Variants in PPFIA1 observed in about 807,000 individuals in gnomAD.
PPFIA1 encodes liprin-alpha-1.
PPFIA1 carries 25 observed loss-of-function variants against 149.9 expected under a neutral mutation model. The ratio of observed to expected loss-of-function variants is 0.17; its 90% CI spans 0.12 to 0.23. The LOEUF (loss-of-function observed/expected upper bound fraction) is 0.23. Among genes scored for constraint, PPFIA1 ranks in the 10% least tolerant of loss-of-function variants. The pLI is 1.00. For missense variants in PPFIA1, 1,362 were observed against 1,506.5 expected (o/e 0.90, Z 1.59); for synonymous variants, 549 against 552.8 (o/e 0.99, Z 0.10).
chr11:70,340,498 C>T (rs1296604721), intron 14 of PPFIA1, among the ~76,000 whole-genome samples: 1 of 152,186 alleles, frequency 6.6e-6, no homozygotes, highest in Non-Finnish European at 1.5e-5. Context: ...GAAAAGAATT[C>T]ACCTTTGAAC....
rs553992578 is a variant in PPFIA1 at position 70,328,948 on chromosome 11, C to T, written c.931-1225C>T. On this transcript the variant is annotated intron_variant, in intron 7 of 27. Coordinates refer to ENST00000253925, the MANE Select transcript of PPFIA1 (RefSeq NM_003626.5). Reference sequence around the variant, plus strand: ...GGGTGGAGGACAGGTATTTCTCAAGCAAAAAGTTCTGGTCCTAGCCTTAAG... The same window carrying T: ...GGGTGGAGGACAGGTATTTCTCAAGTAAAAAGTTCTGGTCCTAGCCTTAAG... Among the ~76,000 whole-genome samples, 12 of 152,190 alleles carry T rather than the reference C, an allele frequency of 7.9e-5. No individual in the cohort carries two copies. The South Asian group carries it at 2.5e-3, about 32-fold the overall frequency.
chr11:70,312,505 T>TA (rs1259339544), intron 2 of PPFIA1, among the ~76,000 whole-genome samples: 2 of 152,290 alleles, frequency 1.3e-5, no homozygotes, highest in East Asian at 3.9e-4. Context: ...AATTAGCATT[T>TA]AAAAAATATA....
At chr11:70,340,380 A>G (rs2055253304) in intron 14 of PPFIA1, among the ~76,000 whole-genome samples, 1 of 152,208 alleles carries the variant, frequency 6.6e-6, no homozygotes, top group Admixed American at 6.5e-5. Flanking sequence ...GGTCAACGCT[A>G]TGGTGAGCTC....
chr11:70,362,392 T>A lies in PPFIA1; in HGVS notation c.2769T>A (p.Ile923=). The A allele has an allele frequency of 6.2e-7, 1 of 1,614,148 alleles. No individual in the cohort carries two copies. The highest frequency in any genetic ancestry group is 8.5e-7 in the Non-Finnish European group (1 of 1,180,028). ...ALSDTEIQRE[I]GISNPLHRLK... Reference sequence around the variant, plus strand: ...CCGACACAGAGATCCAGCGTGAGATTGGCATCAGCAACCCCCTGCACAGGC... The same window carrying A: ...CCGACACAGAGATCCAGCGTGAGATAGGCATCAGCAACCCCCTGCACAGGC... Residue 923 remains isoleucine (I), a synonymous_variant, in exon 21 of 28, where the codon ATT becomes ATA. Coordinates refer to ENST00000253925, the MANE Select transcript of PPFIA1 (RefSeq NM_003626.5).
At chr11:70,350,036 T>C (rs1433908938) in intron 16 of PPFIA1, 1 of 446,276 alleles carries the variant, frequency 2.2e-6, no homozygotes, top group Admixed American at 2.5e-5. Flanking sequence ...CACAGCATGC[T>C]CAGGTAACCA....
At position 70,306,123 on chromosome 11, in the gene PPFIA1, C is replaced by T. The variant is rs184593589; in HGVS notation, c.265-18279C>T. Among the ~76,000 whole-genome samples, 641 of 152,238 alleles carry T rather than the reference C, an allele frequency of 4.2e-3. 2 individuals carry two copies. The highest frequency in any genetic ancestry group is 7.0e-3 in the Non-Finnish European group (477 of 68,014). ...TTTGGGGCAAACTGGTGCAAAGTGA[C>T]CTTTTTCTTTTGGAGTAAAACATGC... On this transcript the variant is annotated intron_variant, in intron 2 of 27. Transcript: ENST00000253925.
At chr11:70,275,607 CTCTT>C (rs1274500662) in intron 2 of PPFIA1, among the ~76,000 whole-genome samples, 6 of 152,106 alleles carry the variant, frequency 3.9e-5, no homozygotes, top group Admixed American at 2.0e-4. Flanking sequence ...CCAAGAGTCT[CTCTT>C]TCTTTTTTTA....
At chr11:70,283,671 G>C (rs138771951) in intron 2 of PPFIA1, among the ~76,000 whole-genome samples, 1 of 151,748 alleles carries the variant, frequency 6.6e-6, no homozygotes, top group Non-Finnish European at 1.5e-5. Context: ...GCTAGAATCC[G>C]AGGGCAGAGG....
chr11:70,337,279 CTT>C (rs879535446), intron 11 of PPFIA1, 84 bp from the exon 12 acceptor site: 262 of 764,768 alleles, frequency 3.4e-4, no homozygotes, highest in Middle Eastern at 8.4e-4. Context: ...TTGTGTGGTC[CTT>C]TTTTTTTTTA....
At chr11:70,307,519 G>A (rs1265671209) in intron 2 of PPFIA1, among the ~76,000 whole-genome samples, 2 of 152,230 alleles carry the variant, frequency 1.3e-5, no homozygotes, top group African/African-American at 2.4e-5. Context: ...GTTACCTACT[G>A]TGTGGAAGAG....
intron 19 of PPFIA1, among the ~76,000 whole-genome samples, chr11:70,360,972 G>A (rs979274665): frequency 1.6e-4 from 25 of 152,200 alleles, no homozygotes; most frequent in Non-Finnish European, 4.4e-5. Flanking sequence ...TGAAAGCCTT[G>A]TAGGTAAACA....
intron 11 of PPFIA1, 122 bp downstream of exon 11, chr11:70,335,816 C>T (rs2054938197): frequency 1.7e-6 from 2 of 1,176,710 alleles, no homozygotes; most frequent in Non-Finnish European, 2.4e-6. Context: ...GGGAATTATT[C>T]TTTAAAGTGG....
Position 70,310,340 on chromosome 11 carries a change from A to G in PPFIA1, c.265-14062A>G, listed in dbSNP as rs79040913. Among the ~76,000 whole-genome samples the G allele has an allele frequency of 3.3e-4, 50 of 152,078 alleles. No individual in the cohort carries two copies. In the East Asian group the frequency reaches 9.5e-3, roughly 29 times the overall value. On this transcript the variant is annotated intron_variant, in intron 2 of 27. Transcript: ENST00000253925. ...ATGCACCCTCCTTAGTTGCTAAGCC[A>G]GAAGTTAAGAGAGAGGCACAGTGCA...
intron 7 of PPFIA1, 154 bp from the exon 8 acceptor site, chr11:70,330,019 T>G: frequency 3.2e-6 from 2 of 625,224 alleles, no homozygotes; most frequent in Non-Finnish European, 2.7e-6. Context: ...AGTGCTGTGA[T>G]TATAGGAGTG....
intron 12 of PPFIA1, among the ~76,000 whole-genome samples, chr11:70,337,752 T>A (rs961963005): frequency 2.0e-5 from 3 of 152,228 alleles, no homozygotes; most frequent in African/African-American, 7.2e-5. Flanking sequence ...ATAGTCATAT[T>A]TTAGAAAGTA....
intron 2 of PPFIA1, among the ~76,000 whole-genome samples, chr11:70,292,373 A>G (rs180733587): frequency 6.6e-6 from 1 of 152,288 alleles, no homozygotes; most frequent in Non-Finnish European, 1.5e-5. Context: ...GGATTCCCAC[A>G]TTGGAGCGCG....
intron 16 of PPFIA1, among the ~76,000 whole-genome samples, chr11:70,349,135 CAAAAAAAAAAAAAA>C (rs749436919): frequency 9.4e-5 from 7 of 74,610 alleles, no homozygotes; most frequent in Non-Finnish European, 1.9e-4. Context: ...CATCTACTAC[CAAAAAAAAAAAAAA>C]AAAAAAAAGG....
Position 70,347,551 on chromosome 11 carries a change from A to T in PPFIA1, c.1932-638A>T, listed in dbSNP as rs115830528. Among the ~76,000 whole-genome samples the T allele has an allele frequency of 2.7e-3, 412 of 152,252 alleles. 3 individuals carry two copies. The highest frequency in any genetic ancestry group is 9.4e-3 in the African/African-American group (391 of 41,550). ...ACCTTGTCTCTACAAAAAAAATTTT[A>T]AAAGATGAGCCAGGCGTGGTAGTGC... On this transcript the variant is annotated intron_variant, in intron 15 of 27. Transcript: ENST00000253925.
intron 19 of PPFIA1, 90 bp from the exon 20 acceptor site, chr11:70,362,005 C>T (rs2056679001): frequency 8.2e-7 from 1 of 1,221,770 alleles, no homozygotes; most frequent in Non-Finnish European, 1.2e-6. Context: ...AAGTGGTCCT[C>T]CTGCCTTGGC....
Sources: allele counts gnomAD v4.1 joint callset (sites outside exome capture counted in the v4.1 genomes callset), GRCh38; gene constraint gnomAD v4.1.1; transcripts MANE v1.5; gene names NCBI Gene and HGNC (gene_info 2026-07-23, HGNC 2026-07-21).